TMEM114: variants seen among roughly 807,000 people sequenced by gnomAD.
TMEM114 encodes transmembrane protein 114, also known as claudin-26.
Under a neutral mutation model 6.2 loss-of-function variants are expected in TMEM114, and 6 were observed. That is an observed-to-expected ratio of 0.97 (90% confidence interval 0.53 to 1.91). TMEM114 has a LOEUF of 1.91. Ranked by LOEUF, TMEM114 falls within the 40% of genes most tolerant of loss-of-function variation. TMEM114 has a pLI of 0.01. For missense variants in TMEM114, 218 were observed against 158.3 expected (o/e 1.38, Z -2.02); for synonymous variants, 104 against 73.0 (o/e 1.42, Z -2.16).
rs577215454 is a variant in TMEM114, at chr16:8,554,048, T to G, written n.213-16222A>C. Reference sequence around the variant, plus strand: ...CATGCGCCACCACACCCAGTTAATTTTTGTGTTTTTTGTAGAGACAGGGTT... The same window carrying G: ...CATGCGCCACCACACCCAGTTAATTGTTGTGTTTTTTGTAGAGACAGGGTT... On this transcript the variant is annotated intron_variant and non_coding_transcript_variant, in intron 2 of 2. Transcript: ENST00000623677. 3.0e-3 allele frequency among the ~76,000 whole-genome samples: 463 copies of G among 152,088 alleles called. 7 individuals carry two copies. Among genetic ancestry groups the G allele is most frequent in the South Asian group, 0.024 (113 of 4,804 alleles).
chr16:8,588,447 C>A (rs1318571645), intron 2 of TMEM114, among the ~76,000 whole-genome samples: 2 of 152,168 alleles, frequency 1.3e-5, no homozygotes, highest in Non-Finnish European at 1.5e-5. Flanking sequence ...CTGTGGGAAT[C>A]AAATGAAGAC....
chr16:8,571,708 C>T (rs532943874), intron 3 of TMEM114, among the ~76,000 whole-genome samples: 32 of 151,380 alleles, frequency 2.1e-4, no homozygotes, highest in Admixed American at 8.6e-4. Context: ...GTTTTTTAGT[C>T]GATCAAAGCA....
the TMEM114 span, among the ~76,000 whole-genome samples, chr16:8,531,332 T>A: frequency 1.3e-5 from 2 of 152,232 alleles, no homozygotes; most frequent in African/African-American, 4.8e-5. Flanking sequence ...TAGTTTCTCA[T>A]ATTCATTAAT....
intron 2 of TMEM114, among the ~76,000 whole-genome samples, chr16:8,556,922 C>G (rs1901030608): frequency 6.6e-6 from 1 of 152,278 alleles, no homozygotes; most frequent in African/African-American, 2.4e-5. Flanking sequence ...TAATGTGGCC[C>G]CTGCTGACCG....
At chr16:8,559,531 C>G (rs1448894527) in intron 2 of TMEM114, among the ~76,000 whole-genome samples, 1 of 152,194 alleles carries the variant, frequency 6.6e-6, no homozygotes, top group Non-Finnish European at 1.5e-5. Flanking sequence ...GGAGCAAACT[C>G]CACCAAGGAA....
chr16:8,549,119 T>C (rs1196029336), intron 2 of TMEM114, among the ~76,000 whole-genome samples: 2 of 147,134 alleles, frequency 1.4e-5, no homozygotes, highest in Non-Finnish European at 3.0e-5. Context: ...GAGGTGGAGC[T>C]TGCAGTGAGC....
chr16:8,571,005 A>G (rs1277039300), intron 3 of TMEM114, among the ~76,000 whole-genome samples: 1 of 152,204 alleles, frequency 6.6e-6, no homozygotes, highest in African/African-American at 2.4e-5. Context: ...TGCTAATAGT[A>G]ATAATAATAG....
At chr16:8,563,849 G>C (rs1336808127) in intron 2 of TMEM114, among the ~76,000 whole-genome samples, 4 of 150,308 alleles carry the variant, frequency 2.7e-5, no homozygotes, top group Non-Finnish European at 5.9e-5. Flanking sequence ...GAGGGAGGGA[G>C]GGAGGGAGGG....
At chr16:8,577,114 T>C (rs1401200883) in intron 2 of TMEM114, among the ~76,000 whole-genome samples, 1 of 152,230 alleles carries the variant, frequency 6.6e-6, no homozygotes, top group Non-Finnish European at 1.5e-5. Flanking sequence ...AGCTTCAATT[T>C]TCTCATTTGA....
At chr16:8,560,945 A>AG (rs920921879) in intron 2 of TMEM114, among the ~76,000 whole-genome samples, 2 of 152,336 alleles carry the variant, frequency 1.3e-5, no homozygotes, top group Admixed American at 6.5e-5. Context: ...TCATGGCAGA[A>AG]GGCAAAAGAC....
At chr16:8,530,652 GA>G in the TMEM114 span, among the ~76,000 whole-genome samples, 1 of 152,004 alleles carries the variant, frequency 6.6e-6, no homozygotes, top group African/African-American at 2.4e-5. Flanking sequence ...GACGGATGAA[GA>G]GAGGGAAGGG....
rs78715766 is a variant in TMEM114 at position 8,548,935 on chromosome 16, C to A, written n.213-11109G>T. 2.6e-5 allele frequency among the ~76,000 whole-genome samples: 4 copies of A among 152,042 alleles called. No individual in the cohort carries two copies. In the East Asian group the frequency reaches 7.7e-4, roughly 29 times the overall value. On this transcript the variant is annotated intron_variant and non_coding_transcript_variant, in intron 2 of 2. Coordinates refer to the TMEM114 transcript ENST00000623677. Reference sequence around the variant, plus strand: ...CAGTGGCTCATGCCTGTAATCCCAGCACTTTGGGAGGCCAAGGCAGGTGGA... The same window carrying A: ...CAGTGGCTCATGCCTGTAATCCCAGAACTTTGGGAGGCCAAGGCAGGTGGA...
chr16:8,541,378 A>G (rs562479405), intron 2 of TMEM114, among the ~76,000 whole-genome samples: 3 of 152,250 alleles, frequency 2.0e-5, no homozygotes, highest in South Asian at 4.2e-4. Context: ...ACAGACATAA[A>G]CCAGGACCTC....
intron 3 of TMEM114, among the ~76,000 whole-genome samples, chr16:8,570,695 T>C (rs1394590060): frequency 6.6e-6 from 1 of 152,188 alleles, no homozygotes; most frequent in East Asian, 1.9e-4. Flanking sequence ...CTGTTGGTTT[T>C]GCTCATTTTC....
intron 2 of TMEM114, among the ~76,000 whole-genome samples, chr16:8,558,398 C>T (rs1458715935): frequency 1.3e-5 from 2 of 152,190 alleles, no homozygotes; most frequent in Non-Finnish European, 2.9e-5. Flanking sequence ...CTCTCCAACC[C>T]CTGCCTCTGT....
intron 2 of TMEM114, among the ~76,000 whole-genome samples, chr16:8,584,403 C>A (rs1188105158): frequency 6.6e-6 from 1 of 152,164 alleles, no homozygotes; most frequent in Non-Finnish European, 1.5e-5. Context: ...GCCCAAGAAA[C>A]AAACCCACGA....
downstream of TMEM114, among the ~76,000 whole-genome samples, chr16:8,568,053 C>T (rs62020625): frequency 0.091 from 13,779 of 152,180 alleles, 764 homozygotes; most frequent in Middle Eastern, 0.19. Context: ...GGGGGAGGAC[C>T]ATCTTGGGAT....
chr16:8,528,924 C>T, the TMEM114 span, among the ~76,000 whole-genome samples: 3 of 152,148 alleles, frequency 2.0e-5, no homozygotes, highest in African/African-American at 7.2e-5. Context: ...CTATTGTTTG[C>T]CATCCTCCTG....
At chr16:8,542,674 C>T (rs1352603813) in intron 2 of TMEM114, among the ~76,000 whole-genome samples, 3 of 152,034 alleles carry the variant, frequency 2.0e-5, no homozygotes, top group African/African-American at 7.2e-5. Context: ...AATAAGCAAC[C>T]TAGGTGCACT....
Sources: gnomAD v4.1 joint callset for allele counts (sites outside exome capture counted in the v4.1 genomes callset) on GRCh38, gnomAD v4.1.1 for gene constraint, MANE v1.5 for transcripts, NCBI Gene and HGNC (gene_info 2026-07-23, HGNC 2026-07-21) for gene names.